Variants in NLGN1 observed in about 807,000 individuals in gnomAD.
NLGN1 encodes the protein neuroligin-1.
Under a neutral mutation model 65.5 loss-of-function variants are expected in NLGN1, and 12 were observed. That is an observed-to-expected ratio of 0.18 (90% CI 0.12 to 0.30). NLGN1 has a LOEUF of 0.30. Ranked by LOEUF, NLGN1 falls within the 10% of genes least tolerant of loss-of-function variation. NLGN1 has a pLI of 1.00. For missense variants in NLGN1, 750 were observed against 1,007.1 expected (o/e 0.74, Z 3.46); for synonymous variants, 350 against 359.5 (o/e 0.97, Z 0.30).
At chr3:174,209,595 C>A (rs1736048595) in intron 4 of NLGN1, among the ~76,000 whole-genome samples, 2 of 150,252 alleles carry the variant, frequency 1.3e-5, no homozygotes, top group South Asian at 2.1e-4. Context: ...TGCCCACAGC[C>A]TACCCTGGTG....
intron 4 of NLGN1, among the ~76,000 whole-genome samples, chr3:173,931,773 T>C (rs1171108824): frequency 6.6e-6 from 1 of 152,164 alleles, no homozygotes; most frequent in African/African-American, 2.4e-5. Flanking sequence ...TGCATCATTC[T>C]GGCTTCTGTG....
intron 4 of NLGN1, among the ~76,000 whole-genome samples, chr3:174,177,869 T>C (rs1729729108): frequency 6.6e-6 from 1 of 152,054 alleles, no homozygotes. Context: ...CACCATAATG[T>C]AACAACAGCC....
At chr3:173,802,603 A>T (rs1250845103) in intron 3 of NLGN1, among the ~76,000 whole-genome samples, 2 of 152,192 alleles carry the variant, frequency 1.3e-5, no homozygotes, top group Non-Finnish European at 2.9e-5. Context: ...TGTGATCAAT[A>T]TTGAATTTGT....
intron 4 of NLGN1, among the ~76,000 whole-genome samples, chr3:174,121,443 T>C (rs1328144549): frequency 6.6e-6 from 1 of 152,232 alleles, no homozygotes; most frequent in East Asian, 1.9e-4. Context: ...AGGGCAACAT[T>C]GTCACACTGG....
intron 3 of NLGN1, among the ~76,000 whole-genome samples, chr3:173,638,671 A>G (rs565529971): frequency 2.0e-4 from 30 of 152,258 alleles, no homozygotes; most frequent in African/African-American, 7.0e-4. Context: ...CCCCTTTCAC[A>G]TAATGGATTA....
chr3:174,069,822 A>G (rs75202704), intron 4 of NLGN1, among the ~76,000 whole-genome samples: 2,378 of 152,288 alleles, frequency 0.016, 58 homozygotes, highest in African/African-American at 0.051. Flanking sequence ...GGGTATTAGC[A>G]TAGGCTCGGA....
At chr3:173,452,967 A>G (rs1721879066) in intron 2 of NLGN1, among the ~76,000 whole-genome samples, 1 of 152,186 alleles carries the variant, frequency 6.6e-6, no homozygotes, top group Non-Finnish European at 1.5e-5. Context: ...AAACAGTACT[A>G]ATGATCACTG....
intron 4 of NLGN1, among the ~76,000 whole-genome samples, chr3:173,815,722 G>A (rs1718905736): frequency 6.6e-6 from 1 of 152,038 alleles, no homozygotes; most frequent in Non-Finnish European, 1.5e-5. Flanking sequence ...AGAACCCTGT[G>A]CATTACCAAA....
intron 3 of NLGN1, chr3:173,644,574 C>A: frequency 1.2e-5 from 2 of 165,050 alleles, no homozygotes; most frequent in South Asian, 1.8e-4. Context: ...GGCCTATCAC[C>A]CTGGAGTATG....
intron 2 of NLGN1, among the ~76,000 whole-genome samples, chr3:173,528,138 A>C (rs942120225): frequency 1.3e-5 from 2 of 152,158 alleles, no homozygotes; most frequent in African/African-American, 4.8e-5. Context: ...CATATCTTGT[A>C]GGTTCAGTGT....
chr3:173,901,364 TGG>T (rs1491107100), intron 4 of NLGN1, among the ~76,000 whole-genome samples: 1 of 133,710 alleles, frequency 7.5e-6, no homozygotes, highest in African/African-American at 2.7e-5. Flanking sequence ...GTATTTTTTT[TGG>T]GGGGGTGTGT....
chr3:173,777,283 A>G (rs774065770), intron 3 of NLGN1, among the ~76,000 whole-genome samples: 1 of 151,926 alleles, frequency 6.6e-6, no homozygotes, highest in Non-Finnish European at 1.5e-5. Context: ...GAATGCCCAA[A>G]GTAGCAACCA....
At chr3:174,122,955 T>C (rs914283107) in intron 4 of NLGN1, among the ~76,000 whole-genome samples, 3 of 151,858 alleles carry the variant, frequency 2.0e-5, no homozygotes, top group African/African-American at 7.2e-5. Context: ...CTCTTTAAAA[T>C]GAGACAAGGA....
At chr3:173,397,046 C>G (rs1716739944), upstream of NLGN1, among the ~76,000 whole-genome samples, 2 of 152,080 alleles carry the variant, frequency 1.3e-5, no homozygotes, top group East Asian at 3.9e-4. Context: ...TCACCCTATC[C>G]TCTGATGAAA....
chr3:173,667,880 C>T (rs1006305912), intron 3 of NLGN1, among the ~76,000 whole-genome samples: 1 of 152,160 alleles, frequency 6.6e-6, no homozygotes, highest in African/African-American at 2.4e-5. Flanking sequence ...ATCCGCTTGT[C>T]TTGGTTTCCC....
At chr3:174,227,300 C>G (rs1250295289) in intron 4 of NLGN1, among the ~76,000 whole-genome samples, 1 of 152,028 alleles carries the variant, frequency 6.6e-6, no homozygotes, top group Non-Finnish European at 1.5e-5. Flanking sequence ...CAAAAGCAAT[C>G]CAAGGGAATA....
intron 3 of NLGN1, among the ~76,000 whole-genome samples, chr3:173,690,435 C>T (rs575769904): frequency 6.2e-4 from 95 of 152,120 alleles, no homozygotes; most frequent in Non-Finnish European, 1.2e-3. Context: ...AAGCTGTCAG[C>T]TCTTGCTATT....
chr3:173,630,995 G>A (rs188185125), intron 3 of NLGN1, among the ~76,000 whole-genome samples: 1 of 152,246 alleles, frequency 6.6e-6, no homozygotes, highest in Non-Finnish European at 1.5e-5. Flanking sequence ...CAAGAAGAGA[G>A]CGAGAAGGCA....
intron 3 of NLGN1, among the ~76,000 whole-genome samples, chr3:173,750,608 A>G (rs886870672): frequency 6.6e-6 from 1 of 152,098 alleles, no homozygotes; most frequent in African/African-American, 2.4e-5. Context: ...TTTTATGTCT[A>G]TTGAGAATTC....
Sources: gnomAD v4.1 joint callset for allele counts (sites outside exome capture counted in the v4.1 genomes callset) on GRCh38, gnomAD v4.1.1 for gene constraint, MANE v1.5 for transcripts, NCBI Gene and HGNC (gene_info 2026-07-23, HGNC 2026-07-21) for gene names.